The following ABCC4 variants were observed in gnomAD, a reference collection of about 807,000 sequenced individuals.
ABCC4 encodes the protein ATP binding cassette subfamily C member 4 (PEL blood group).
ABCC4 carries 102 observed loss-of-function variants against 168.5 expected under a neutral mutation model. The observed-to-expected ratio is 0.61, with a 90% confidence interval of 0.52 to 0.71. ABCC4 has a LOEUF of 0.71. Ranked by LOEUF, ABCC4 falls within the 30% of genes least tolerant of loss-of-function variation. The probability of loss-of-function intolerance (pLI) is 0.00; values close to 1 mark genes in which losing one functional copy is unlikely to be tolerated. For missense variants in ABCC4, 1,402 were observed against 1,605.8 expected, an observed-to-expected ratio of 0.87 and a Z score of 2.17; for synonymous variants, 617 against 590.7, an observed-to-expected ratio of 1.04 and a Z score of -0.65.
chr13:95,138,691 C>G (rs934669596), intron 19 of ABCC4, among the ~76,000 whole-genome samples: 1 of 152,210 alleles, frequency 6.6e-6, no homozygotes, highest in Admixed American at 6.5e-5. Flanking sequence ...AAATGAGTCC[C>G]TATTTTTACT....
At chr13:95,252,151 G>A (rs765621302) in intron 1 of ABCC4, among the ~76,000 whole-genome samples, 70 of 152,098 alleles carry the variant, frequency 4.6e-4, no homozygotes, top group Admixed American at 9.2e-4. Context: ...TAGCCATTTG[G>A]ATATGCCAAG....
chr13:95,140,249 A>T (rs2036276238), intron 19 of ABCC4, among the ~76,000 whole-genome samples: 2 of 152,192 alleles, frequency 1.3e-5, no homozygotes. Flanking sequence ...CAGTCTCTGT[A>T]TTCCTTAGAG....
At position 95,215,332 on chromosome 13, in the gene ABCC4, C is replaced by T. The variant is rs543681512; in HGVS notation, c.532-4551G>A. On this transcript the variant is annotated intron_variant, in intron 4 of 30. Transcript: ENST00000645237. ...GGGAGAATCGCTTGAACCCACGAGG[C>T]GGAGGTTGCAGTGAGCCAAGATCAC... is the stretch of plus-strand genomic sequence containing the variant. Among the ~76,000 whole-genome samples, 10 of 151,930 alleles carry T rather than the reference C, an allele frequency of 6.6e-5. No individual in the cohort carries two copies. The South Asian group carries it at 1.5e-3, about 22-fold the overall frequency.
At chr13:95,263,218 G>T (rs574721451) in intron 1 of ABCC4, among the ~76,000 whole-genome samples, 2 of 152,154 alleles carry the variant, frequency 1.3e-5, no homozygotes, top group Admixed American at 1.3e-4. Flanking sequence ...TATTAAAAAA[G>T]GTGTCTCTAA....
intron 4 of ABCC4, among the ~76,000 whole-genome samples, chr13:95,219,059 G>A (rs546117541): frequency 1.5e-4 from 23 of 152,178 alleles, no homozygotes; most frequent in African/African-American, 4.3e-4. Context: ...AACCATTAGC[G>A]TTTCAATGAG....
chr13:95,075,306 G>A (rs531465153), intron 22 of ABCC4, 126 bp downstream of exon 22: 15 of 1,282,308 alleles, frequency 1.2e-5, no homozygotes, highest in South Asian at 4.3e-5. Context: ...ACGAAGATGC[G>A]CAAAAAAAGC....
intron 6 of ABCC4, 136 bp from the exon 7 acceptor site, chr13:95,208,061 C>A: frequency 1.2e-6 from 1 of 866,090 alleles, no homozygotes; most frequent in South Asian, 2.0e-5. Flanking sequence ...AGGTCCTACT[C>A]AAAATACAAA....
At chr13:95,136,690 ATTCTCC>A (rs755313222) in intron 19 of ABCC4, among the ~76,000 whole-genome samples, 3 of 152,214 alleles carry the variant, frequency 2.0e-5, no homozygotes, top group Non-Finnish European at 2.9e-5. Flanking sequence ...CCACACATCA[ATTCTCC>A]TAGTTTGAGT....
At chr13:95,029,241 G>A (rs1312591483) in intron 30 of ABCC4, among the ~76,000 whole-genome samples, 28 of 6,852 alleles carry the variant, frequency 4.1e-3, no homozygotes, top group African/African-American at 9.5e-3. Flanking sequence ...GAGAGAGAGA[G>A]AGAGAGAGAG....
At chr13:95,058,717 T>C (rs1218138505) in intron 26 of ABCC4, among the ~76,000 whole-genome samples, 1 of 152,148 alleles carries the variant, frequency 6.6e-6, no homozygotes, top group Non-Finnish European at 1.5e-5. Flanking sequence ...TTCTACTACT[T>C]ATTAGCTGTT....
intron 1 of ABCC4, among the ~76,000 whole-genome samples, chr13:95,279,121 G>A (rs955329687): frequency 2.6e-5 from 4 of 152,154 alleles, no homozygotes; most frequent in African/African-American, 9.7e-5. Context: ...TAAAGATTTG[G>A]CCAGCAGATT....
At chr13:95,282,397 CAA>C (rs1268609238) in intron 1 of ABCC4, among the ~76,000 whole-genome samples, 5 of 152,122 alleles carry the variant, frequency 3.3e-5, no homozygotes, top group African/African-American at 1.2e-4. Context: ...TTGATTTGCT[CAA>C]GAGCAGGGGT....
At chr13:95,168,863 G>A (rs566886162) in intron 14 of ABCC4, among the ~76,000 whole-genome samples, 249 of 152,270 alleles carry the variant, frequency 1.6e-3, no homozygotes, top group Middle Eastern at 6.8e-3. Flanking sequence ...AGATATGTTC[G>A]AGTCCTAAAT....
intron 11 of ABCC4, among the ~76,000 whole-genome samples, chr13:95,182,268 G>T (rs1314326550): frequency 6.6e-6 from 1 of 152,162 alleles, no homozygotes; most frequent in Non-Finnish European, 1.5e-5. Context: ...ATAAGATAGT[G>T]GGTACACCAA....
chr13:95,210,890 A>G, intron 4 of ABCC4, 109 bp from the exon 5 acceptor site: 1 of 675,558 alleles, frequency 1.5e-6, no homozygotes. Context: ...ACCAGATCTA[A>G]GCACAAGCAT....
At chr13:95,301,206 C>A in intron 1 of ABCC4, 35 bp downstream of exon 1, 1 of 1,563,188 alleles carries the variant, frequency 6.4e-7, no homozygotes, top group Non-Finnish European at 8.7e-7. Context: ...GCGCCAGCGG[C>A]TGCAGGGTGA....
chr13:95,223,275 C>A (rs528083832), intron 4 of ABCC4, among the ~76,000 whole-genome samples: 9 of 152,024 alleles, frequency 5.9e-5, no homozygotes, highest in Non-Finnish European at 1.2e-4. Context: ...CTTAGACATG[C>A]AAGAAAGAAA....
intron 1 of ABCC4, among the ~76,000 whole-genome samples, chr13:95,249,716 C>A (rs192634297): frequency 6.6e-6 from 1 of 152,112 alleles, no homozygotes; most frequent in Non-Finnish European, 1.5e-5. Flanking sequence ...TCCAGCAGAA[C>A]CTCATACAGT....
chr13:95,284,226 G>A (rs1451504564), intron 1 of ABCC4, among the ~76,000 whole-genome samples: 1 of 151,994 alleles, frequency 6.6e-6, no homozygotes, highest in Non-Finnish European at 1.5e-5. Context: ...TCACTGTGTT[G>A]TCCAGGCTGG....
Sources: gnomAD v4.1 joint callset for allele counts (sites outside exome capture counted in the v4.1 genomes callset) on GRCh38, gnomAD v4.1.1 for gene constraint, MANE v1.5 for transcripts, NCBI Gene and HGNC (gene_info 2026-07-23, HGNC 2026-07-21) for gene names.